Variants in PTGIS observed in about 807,000 individuals in gnomAD.
The protein encoded by PTGIS is prostacyclin synthase.
In PTGIS, 45 loss-of-function variants were observed where a neutral mutation model predicts 50.3. The ratio of observed to expected loss-of-function variants is 0.90; its 90% CI spans 0.70 to 1.15. PTGIS has a LOEUF of 1.15. PTGIS is among the 50% of genes most tolerant of loss of function. The pLI is 0.00. For synonymous variants in PTGIS, 260 were observed against 267.7 expected (o/e 0.97, Z 0.28); for missense variants, 668 against 661.3 (o/e 1.01, Z -0.11).
chr20:49,509,453 A>C (rs563615294), intron 9 of PTGIS, among the ~76,000 whole-genome samples: 13 of 152,310 alleles, frequency 8.5e-5, no homozygotes, highest in South Asian at 8.3e-4. Context: ...CTGTCCAAAA[A>C]CTTGATGAGG....
intron 6 of PTGIS, among the ~76,000 whole-genome samples, chr20:49,516,999 G>A (rs1413978828): frequency 1.3e-5 from 2 of 152,154 alleles, no homozygotes; most frequent in African/African-American, 2.4e-5. Flanking sequence ...TCAACACTGG[G>A]GGTAACATTG....
Position 49,536,470 on chromosome 20 carries a change from C to CTTTTTT in PTGIS, c.673+3099_673+3100insAAAAAA, listed in dbSNP as rs1471525960. Among the ~76,000 whole-genome samples the CTTTTTT allele has an allele frequency of 1.2e-3, 163 of 135,046 alleles. 1 individual carries two copies. The highest frequency in any genetic ancestry group is 1.9e-3 in the African/African-American group (63 of 33,152). The allele number at this position is 135,046 out of a possible 152,430, so 88.6% of individuals were successfully genotyped here. A position where few individuals can be genotyped will look rare whatever the true frequency, so the allele number is the denominator to read the frequency against. ...CTTTTTTTCTTTTCTTTCTTTCTTT[C>CTTTTTT]TTTCTTTCTTTTTTTTTTTTTTTTT... On this transcript the variant is annotated intron_variant, in intron 5 of 9. Coordinates refer to ENST00000244043, the MANE Select transcript of PTGIS (RefSeq NM_000961.4).
At position 49,508,076 on chromosome 20, in the gene PTGIS, T is replaced by C. The variant is rs1848718227; in HGVS notation, c.1359-12A>G. 1.2e-6 allele frequency: 2 copies of C among 1,613,466 alleles called. No individual in the cohort carries two copies. Among genetic ancestry groups the C allele is most frequent in the Non-Finnish European group, 1.7e-6 (2 of 1,180,006 alleles). ...CAAGGAACACAAATCTGCAGAGAGA[T>C]GGCATGGAAGGTGTGAAGGAGAGGA... On this transcript the variant is annotated splice_polypyrimidine_tract_variant and intron_variant, in intron 9 of 9. Coordinates refer to ENST00000244043, the MANE Select transcript of PTGIS (RefSeq NM_000961.4).
At chr20:49,559,950 A>G (rs1336802567) in intron 1 of PTGIS, among the ~76,000 whole-genome samples, 1 of 149,684 alleles carries the variant, frequency 6.7e-6, no homozygotes, top group Non-Finnish European at 1.5e-5. Context: ...TTTGAGACGG[A>G]ATCTTGGTCT....
At chr20:49,523,521 C>G (rs943927646) in intron 6 of PTGIS, among the ~76,000 whole-genome samples, 3 of 151,918 alleles carry the variant, frequency 2.0e-5, no homozygotes, top group African/African-American at 7.3e-5. Flanking sequence ...AGAAGCTGGG[C>G]GTGGTGGCTC....
rs551814559 is a variant in PTGIS at position 49,554,205 on chromosome 20, C to T, written c.75-4016G>A. ...GAATAATTCTCTCCATCAACATTTT[C>T]GTCAGCTCATATAAATTTTTTCCCT... is the stretch of plus-strand genomic sequence containing the variant. On this transcript the variant is annotated intron_variant, in intron 1 of 9. Coordinates refer to ENST00000244043, the MANE Select transcript of PTGIS (RefSeq NM_000961.4). Among the ~76,000 whole-genome samples the T allele has an allele frequency of 7.2e-5, 11 of 152,188 alleles. No individual in the cohort carries two copies. The South Asian group carries it at 1.9e-3, about 26-fold the overall frequency.
Position 49,507,828 on chromosome 20 carries a change from C to G in PTGIS, c.*92G>C. The G allele has an allele frequency of 6.4e-7, 1 of 1,559,358 alleles. No individual in the cohort carries two copies. Among genetic ancestry groups the G allele is most frequent in the Non-Finnish European group, 8.7e-7 (1 of 1,149,500 alleles). ...AAGTGGTAATGCTAGCACCTGCACC[C>G]GGGCCAACTGTGCACACAGAAAGCT... On this transcript the variant is annotated 3_prime_UTR_variant, in exon 10 of 10. Coordinates refer to ENST00000244043, the MANE Select transcript of PTGIS (RefSeq NM_000961.4).
At chr20:49,565,639 G>T (rs1982879077) in intron 1 of PTGIS, among the ~76,000 whole-genome samples, 2 of 152,130 alleles carry the variant, frequency 1.3e-5, no homozygotes, top group Admixed American at 6.5e-5. Context: ...ACTCCAGCCT[G>T]GGCCACAGTG....
At chr20:49,512,936 C>T in intron 8 of PTGIS, 144 bp downstream of exon 8, 1 of 964,754 alleles carries the variant, frequency 1.0e-6, no homozygotes, top group Non-Finnish European at 1.6e-6. Flanking sequence ...GGTGAGGAAG[C>T]AAACACAGAG....
intron 9 of PTGIS, among the ~76,000 whole-genome samples, chr20:49,509,881 CTTTTTTTTTT>C (rs11337451): frequency 4.0e-4 from 37 of 93,368 alleles, no homozygotes; most frequent in African/African-American, 1.8e-3. Context: ...TTCTTTCTTT[CTTTTTTTTTT>C]TTTTTTTTTT....
intron 5 of PTGIS, among the ~76,000 whole-genome samples, chr20:49,536,329 C>T (rs1982066426): frequency 1.3e-5 from 2 of 152,056 alleles, no homozygotes; most frequent in Non-Finnish European, 1.5e-5. Flanking sequence ...TAAAGTTTGG[C>T]TTTTTAAAAA....
intron 5 of PTGIS, among the ~76,000 whole-genome samples, chr20:49,535,649 G>A (rs1381116810): frequency 1.3e-5 from 2 of 152,144 alleles, no homozygotes; most frequent in African/African-American, 4.8e-5. Flanking sequence ...CAAGTAGGTG[G>A]GATTACAGGC....
chr20:49,531,464 T>C (rs1384949943), intron 5 of PTGIS, among the ~76,000 whole-genome samples: 1 of 152,152 alleles, frequency 6.6e-6, no homozygotes, highest in Non-Finnish European at 1.5e-5. Flanking sequence ...CTACAGACGT[T>C]CAACAAAACA....
Position 49,516,111 on chromosome 20 carries a change from C to T in PTGIS, c.856-1716G>A, listed in dbSNP as rs189391265. On this transcript the variant is annotated intron_variant, in intron 6 of 9. Coordinates refer to ENST00000244043, the MANE Select transcript of PTGIS (RefSeq NM_000961.4). Reference sequence around the variant, plus strand: ...TCCCAGGCTGATCTCAAACTCCTGGCCTCGAGCAGTCCTCCTGCCACAGCC... The same window carrying T: ...TCCCAGGCTGATCTCAAACTCCTGGTCTCGAGCAGTCCTCCTGCCACAGCC... Among the ~76,000 whole-genome samples, 86 of 149,884 alleles carry T rather than the reference C, an allele frequency of 5.7e-4. No individual in the cohort carries two copies. The East Asian group carries it at 0.017, about 29-fold the overall frequency.
chr20:49,519,428 C>A (rs181812904), intron 6 of PTGIS, among the ~76,000 whole-genome samples: 2 of 152,160 alleles, frequency 1.3e-5, no homozygotes, highest in African/African-American at 4.8e-5. Flanking sequence ...TCACAGCTAC[C>A]ATTTTTCAGC....
chr20:49,546,321 T>C (rs1982357809), intron 3 of PTGIS, among the ~76,000 whole-genome samples: 1 of 152,224 alleles, frequency 6.6e-6, no homozygotes, highest in Admixed American at 6.5e-5. Flanking sequence ...CTATTGCTAA[T>C]GGGACCCCCA....
chr20:49,562,086 A>C (rs1473509522), intron 1 of PTGIS, among the ~76,000 whole-genome samples: 2 of 152,146 alleles, frequency 1.3e-5, no homozygotes, highest in Non-Finnish European at 2.9e-5. Flanking sequence ...GGGCTAAGTC[A>C]CATGCCAGAG....
intron 2 of PTGIS, among the ~76,000 whole-genome samples, chr20:49,549,475 G>C (rs1982449775): frequency 6.6e-6 from 1 of 152,180 alleles, no homozygotes. Flanking sequence ...CAGAGATATG[G>C]AACCCACCCA....
At chr20:49,558,372 G>A (rs1169156475) in intron 1 of PTGIS, among the ~76,000 whole-genome samples, 3 of 152,120 alleles carry the variant, frequency 2.0e-5, no homozygotes, top group Non-Finnish European at 4.4e-5. Flanking sequence ...CTAAGCAAGA[G>A]AACGAGACCC....
Sources: gnomAD v4.1 joint callset for allele counts (sites outside exome capture counted in the v4.1 genomes callset) on GRCh38, gnomAD v4.1.1 for gene constraint, MANE v1.5 for transcripts, NCBI Gene and HGNC (gene_info 2026-07-23, HGNC 2026-07-21) for gene names.